The following DNMT1 variants were observed in gnomAD, a reference collection of about 807,000 sequenced individuals.
DNMT1 encodes the protein DNA (cytosine-5)-methyltransferase 1.
Under a neutral mutation model 205.3 loss-of-function variants are expected in DNMT1, and 24 were observed. The observed-to-expected ratio is 0.12, with a 90% CI of 0.08 to 0.16. The LOEUF (loss-of-function observed/expected upper bound fraction) is 0.16, where lower values mean the gene tolerates loss of function less well. DNMT1 is among the 10% of genes least tolerant of loss of function. The probability of loss-of-function intolerance (pLI) is 1.00; values close to 1 mark genes in which losing one functional copy is unlikely to be tolerated. For missense variants in DNMT1, 1,293 were observed against 2,177.7 expected, an observed-to-expected ratio of 0.59 and a Z score of 8.09; for synonymous variants, 817 against 839.8, an observed-to-expected ratio of 0.97 and a Z score of 0.47.
At chr19:10,163,800 T>C (rs938227922) in intron 11 of DNMT1, among the ~76,000 whole-genome samples, 1 of 152,162 alleles carries the variant, frequency 6.6e-6, no homozygotes, top group Non-Finnish European at 1.5e-5. Context: ...CCCAGCACTT[T>C]GGGAAGCTAA....
intron 1 of DNMT1, among the ~76,000 whole-genome samples, chr19:10,185,829 AC>A (rs1336832063): frequency 7.0e-6 from 1 of 142,096 alleles, no homozygotes; most frequent in African/African-American, 2.6e-5. Flanking sequence ...ACAGAACAAG[AC>A]CCTGTCTCAA....
At position 10,136,154 on chromosome 19, in the gene DNMT1, T is replaced by C. The variant is rs776340408; in HGVS notation, c.4623A>G (p.Thr1541=). Reference sequence around the variant, plus strand: ...CCATGGGCTCGGGGTTGGTGACGGTTGTGCTGAAGAAGCCGTCCCACTCGA... The same window carrying C: ...CCATGGGCTCGGGGTTGGTGACGGTCGTGCTGAAGAAGCCGTCCCACTCGA... ...GRLEWDGFFS[T]TVTNPEPMGK... The change falls in exon 38 of 41, where the codon ACA becomes ACG. Residue 1541 remains threonine (T), a synonymous_variant. Coordinates refer to ENST00000359526, the MANE Select transcript of DNMT1 (RefSeq NM_001130823.3). 1 of 1,614,054 alleles carries C rather than the reference T, an allele frequency of 6.2e-7. No homozygotes were observed. Among genetic ancestry groups the C allele is most frequent in the South Asian group, 1.1e-5 (1 of 91,088 alleles).
Position 10,159,872 on chromosome 19 carries a change from G to A in DNMT1, c.1140C>T (p.Asp380=). 1 of 1,614,230 alleles carries A rather than the reference G, an allele frequency of 6.2e-7. No individual in the cohort carries two copies. ...CTGGTGGGTGCTGCCCATATTTGAGGTCAGGGTCGTCCAGGTACTGCCCGC... is the reference window on the plus strand; with the variant it reads ...CTGGTGGGTGCTGCCCATATTTGAGATCAGGGTCGTCCAGGTACTGCCCGC... The part of the protein sequence containing the change: ...IQCGQYLDDP[D]LKYGQHPPDA... The change falls in exon 16 of 41, where the codon GAC becomes GAT. Residue 380 remains aspartate, a synonymous_variant. Coordinates refer to ENST00000359526, the MANE Select transcript of DNMT1 (RefSeq NM_001130823.3). This position sits in a 1 kb window ranked among gnomAD's most constrained non-coding sequence, Gnocchi z 5.0.
At position 10,186,838 on chromosome 19, in the gene DNMT1, C is replaced by CAAAAAAAAAAAAAAAA. The variant is rs35238334; in HGVS notation, c.81-4777_81-4762dup. Among the ~76,000 whole-genome samples the CAAAAAAAAAAAAAAAA allele has an allele frequency of 2.4e-3, 173 of 70,664 alleles. 3 individuals carry two copies. The highest frequency in any genetic ancestry group is 7.0e-3 in the African/African-American group (119 of 16,954). 46.4% of individuals were successfully genotyped at this position (70,664 alleles called of 152,430 possible). A position where few individuals can be genotyped will look rare whatever the true frequency, so the allele number is the denominator to read the frequency against. ...GGACAACAAGAGTGAAACTCCGTCT[C>CAAAAAAAAAAAAAAAA]AAAAAAAAAAAAAAAAAAAAAGATA... On this transcript the variant is annotated intron_variant, in intron 1 of 40. Coordinates refer to ENST00000359526, the MANE Select transcript of DNMT1 (RefSeq NM_001130823.3).
intron 27 of DNMT1, 129 bp downstream of exon 27, chr19:10,148,755 G>T: frequency 6.6e-7 from 1 of 1,505,506 alleles, no homozygotes; most frequent in Non-Finnish European, 9.2e-7. Context: ...AGTCAGGCTG[G>T]CCTTTGACGA....
At chr19:10,164,293 G>A (rs781692891) in intron 11 of DNMT1, among the ~76,000 whole-genome samples, 5 of 151,992 alleles carry the variant, frequency 3.3e-5, no homozygotes, top group African/African-American at 1.2e-4. Flanking sequence ...ACAGGCATTC[G>A]CCACCACACC....
intron 1 of DNMT1, among the ~76,000 whole-genome samples, chr19:10,191,091 G>A (rs1355110239): frequency 6.6e-6 from 1 of 151,904 alleles, no homozygotes; most frequent in East Asian, 1.9e-4. Flanking sequence ...TCCAGCCTGG[G>A]CGACAGAGCA....
Position 10,180,403 on chromosome 19 carries a change from G to A in DNMT1, c.392C>T (p.Pro131Leu), listed in dbSNP as rs2039022750. 1 of 1,613,914 alleles carries A rather than the reference G, an allele frequency of 6.2e-7. No homozygotes were observed. Among genetic ancestry groups the A allele is most frequent in the Admixed American group, 1.7e-5 (1 of 59,962 alleles). Residue 131 changes from proline (P) to leucine (L), a missense_variant, in exon 4 of 41, where the codon CCC (proline) becomes CTC (leucine). Pro to Leu is a moderately conservative substitution (Grantham distance 98). Coordinates refer to ENST00000359526, the MANE Select transcript of DNMT1 (RefSeq NM_001130823.3). ...GMADANSPPK[P>L]LSKPRTPRRS... The stretch of plus-strand genomic sequence containing the variant: ...CCTGGGCGTGCGAGGTTTGGAAAGG[G>A]GTTTGGGGGGGCTGTTGGCATCTGC...
Position 10,140,652 on chromosome 19 carries a change from G to C in DNMT1, c.3523+129C>G. On this transcript the variant is annotated intron_variant, in intron 32 of 40. Coordinates refer to ENST00000359526, the MANE Select transcript of DNMT1 (RefSeq NM_001130823.3). The surrounding 1 kb of genome is among the most constrained non-coding windows in gnomAD (Gnocchi z 8.4). ...CAAAGTGCTGGGATTACAGGCGTGC[G>C]CCACCGTGCCTGGCCTCGGAAGGAG... 6.5e-7 allele frequency: 1 copy of C among 1,530,216 alleles called. No homozygotes were observed. Among genetic ancestry groups the C allele is most frequent in the South Asian group, 1.1e-5 (1 of 88,472 alleles). The allele number at this position is 1,530,216 out of a possible 1,614,324, so 94.8% of individuals were successfully genotyped here.
intron 11 of DNMT1, among the ~76,000 whole-genome samples, chr19:10,165,601 C>T (rs991590344): frequency 6.6e-6 from 1 of 152,082 alleles, no homozygotes; most frequent in Non-Finnish European, 1.5e-5. Flanking sequence ...CCATGTTGGC[C>T]TGGCTGGTCT....
At chr19:10,183,581 C>T (rs1039792874) in intron 1 of DNMT1, among the ~76,000 whole-genome samples, 5 of 152,040 alleles carry the variant, frequency 3.3e-5, no homozygotes, top group Non-Finnish European at 7.4e-5. Context: ...AGTGGCTGGG[C>T]GTGGTGGCTG....
At chr19:10,174,253 T>G (rs543624297) in intron 7 of DNMT1, among the ~76,000 whole-genome samples, 29 of 152,098 alleles carry the variant, frequency 1.9e-4, no homozygotes, top group African/African-American at 5.8e-4. Context: ...AAACCTCATC[T>G]CTACAAAAAA....
chr19:10,150,830 T>C (rs530724509), intron 24 of DNMT1, among the ~76,000 whole-genome samples: 40 of 152,270 alleles, frequency 2.6e-4, no homozygotes, highest in Non-Finnish European at 5.3e-4. Flanking sequence ...CAGTGGCTCC[T>C]GCCTGTAATC....
intron 6 of DNMT1, among the ~76,000 whole-genome samples, chr19:10,176,845 G>C (rs1349300325): frequency 6.6e-6 from 1 of 151,996 alleles, no homozygotes; most frequent in African/African-American, 2.4e-5. Flanking sequence ...GTGACAGCCA[G>C]ATGCTGTCTC....
chr19:10,139,914 C>A (rs974704900), intron 33 of DNMT1, 97 bp from the exon 34 acceptor site: 2 of 1,575,184 alleles, frequency 1.3e-6, no homozygotes, highest in Non-Finnish European at 1.7e-6. Context: ...TTATCAAAGT[C>A]TCTCCCTGGT....
chr19:10,134,397 G>A, intron 39 of DNMT1, 90 bp from the exon 40 acceptor site: 1 of 1,212,798 alleles, frequency 8.2e-7, no homozygotes, highest in Middle Eastern at 2.3e-4. Context: ...CTCAGATGGA[G>A]GACAACCTGG....
At chr19:10,181,731 A>G (rs893468800) in intron 2 of DNMT1, among the ~76,000 whole-genome samples, 4 of 152,012 alleles carry the variant, frequency 2.6e-5, no homozygotes, top group African/African-American at 9.7e-5. Flanking sequence ...TGGGAGGCTG[A>G]GGCAGGAGAA....
chr19:10,149,762 A>T, intron 25 of DNMT1, 91 bp downstream of exon 25: 2 of 1,604,880 alleles, frequency 1.2e-6, no homozygotes, highest in Non-Finnish European at 8.5e-7. Context: ...CATCTAGGGC[A>T]AAAAGCTGCT....
At chr19:10,143,232 T>G (rs2089638600) in intron 29 of DNMT1, among the ~76,000 whole-genome samples, 1 of 152,110 alleles carries the variant, frequency 6.6e-6, no homozygotes, top group Admixed American at 6.6e-5. Flanking sequence ...CGTTTTTTCT[T>G]TTGAGACGGG....
Sources: gnomAD v4.1 joint callset for allele counts (sites outside exome capture counted in the v4.1 genomes callset) on GRCh38, gnomAD v4.1.1 for gene constraint, Gnocchi (gnomAD v3.1) non-coding constraint, MANE v1.5 for transcripts, NCBI Gene and HGNC (gene_info 2026-07-23, HGNC 2026-07-21) for gene names.